Variants in SLC9A7 observed in about 807,000 individuals in gnomAD.
SLC9A7 encodes the protein sodium/hydrogen exchanger 7.
SLC9A7 carries 19 observed loss-of-function variants against 52.6 expected under a neutral mutation model. The observed-to-expected ratio is 0.36, with a 90% CI of 0.25 to 0.53. The LOEUF (loss-of-function observed/expected upper bound fraction) is 0.53. Among genes scored for constraint, SLC9A7 ranks in the 20% least tolerant of loss-of-function variants. The pLI is 0.91. For synonymous variants in SLC9A7, 226 were observed against 252.1 expected, an observed-to-expected ratio of 0.90 and a Z score of 0.98; for missense variants, 455 against 597.9, an observed-to-expected ratio of 0.76 and a Z score of 2.49.
At chrX:46,748,355 A>AG (rs1556284154) in intron 1 of SLC9A7, among the ~76,000 whole-genome samples, 1 of 59,964 alleles carries the variant, frequency 1.7e-5, no homozygotes, top group African/African-American at 6.2e-5. Flanking sequence ...AAAAAAAAAA[A>AG]AAAGAAAGAA....
chrX:46,738,045 AAGAAAGAAAGAAAGAAAG>A (rs1945153735), intron 1 of SLC9A7, among the ~76,000 whole-genome samples: 1 of 30,933 alleles, frequency 3.2e-5, no homozygotes, highest in African/African-American at 8.1e-5. Context: ...GAAAGAAAGA[AAGAAAGAAAGAAAGAAAG>A]AAAGAAAGAA....
At chrX:46,732,966 A>G (rs1445397631) in intron 1 of SLC9A7, among the ~76,000 whole-genome samples, 1 of 112,449 alleles carries the variant, frequency 8.9e-6, no homozygotes, top group African/African-American at 3.2e-5. Flanking sequence ...CACAAGGTGC[A>G]GTACAGGACA....
chrX:46,698,774 G>T (rs997480542), intron 1 of SLC9A7, among the ~76,000 whole-genome samples: 2 of 111,830 alleles, frequency 1.8e-5, no homozygotes, highest in Non-Finnish European at 3.8e-5. Context: ...TGGGGAAAGG[G>T]ATTTGCGTAC....
chrX:46,663,271 T>G (rs1269006949), intron 5 of SLC9A7, among the ~76,000 whole-genome samples: 2 of 108,392 alleles, frequency 1.8e-5, no homozygotes, highest in Admixed American at 2.0e-4. Flanking sequence ...AGGCGGAGGT[T>G]GCAGTGAGCC....
intron 15 of SLC9A7, among the ~76,000 whole-genome samples, chrX:46,614,226 A>C (rs1942906954): frequency 8.9e-6 from 1 of 111,948 alleles, no homozygotes; most frequent in Admixed American, 9.5e-5. Flanking sequence ...AAATGCATTT[A>C]ACACACCTAA....
chrX:46,640,287 C>A (rs1943386426), intron 12 of SLC9A7, among the ~76,000 whole-genome samples: 1 of 111,864 alleles, frequency 8.9e-6, no homozygotes, highest in South Asian at 3.7e-4. Flanking sequence ...GACAAAGGAG[C>A]AAAATTAATT....
intron 15 of SLC9A7, among the ~76,000 whole-genome samples, chrX:46,619,915 G>A (rs1304294174): frequency 9.0e-6 from 1 of 111,553 alleles, no homozygotes; most frequent in East Asian, 2.8e-4. Flanking sequence ...GGGACTAAAG[G>A]CATGAGCTAC....
chrX:46,758,463 T>C (rs781841166), intron 1 of SLC9A7, among the ~76,000 whole-genome samples: 1 of 111,901 alleles, frequency 8.9e-6, no homozygotes, highest in East Asian at 2.8e-4. Context: ...CCGGACCACC[T>C]CTGTCCCTTT....
chrX:46,658,863 A>G (rs1402202411), intron 7 of SLC9A7, among the ~76,000 whole-genome samples: 2 of 110,438 alleles, frequency 1.8e-5, no homozygotes, highest in Non-Finnish European at 3.8e-5. Flanking sequence ...ATCCTCCCTA[A>G]CTCATTTTAT....
At chrX:46,753,198 T>C (rs782259806) in intron 1 of SLC9A7, among the ~76,000 whole-genome samples, 3 of 112,026 alleles carry the variant, frequency 2.7e-5, no homozygotes, top group Non-Finnish European at 3.8e-5. Flanking sequence ...TTTTAAATAA[T>C]GTTTAAATTG....
At chrX:46,714,219 A>C (rs1311401427) in intron 1 of SLC9A7, among the ~76,000 whole-genome samples, 2 of 110,902 alleles carry the variant, frequency 1.8e-5, no homozygotes, top group African/African-American at 6.6e-5. Flanking sequence ...AAAAAAAAAA[A>C]CTGGATCTTC....
At chrX:46,657,326 A>G (rs1234676559) in intron 7 of SLC9A7, among the ~76,000 whole-genome samples, 1 of 109,124 alleles carries the variant, frequency 9.2e-6, no homozygotes, top group Non-Finnish European at 1.9e-5. Context: ...AATGAGCAAA[A>G]TAACCAGCTA....
chrX:46,662,265 G>T, intron 6 of SLC9A7, 108 bp from the exon 7 acceptor site: 1 of 778,565 alleles, frequency 1.3e-6, no homozygotes, highest in Non-Finnish European at 1.8e-6. Context: ...TCAAGCATTG[G>T]CCAGGGTAAA....
intron 16 of SLC9A7, among the ~76,000 whole-genome samples, chrX:46,610,893 A>G (rs185966382): frequency 3.5e-4 from 39 of 112,666 alleles, no homozygotes; most frequent in Non-Finnish European, 6.6e-4. Flanking sequence ...ATAAAGTTTT[A>G]ATAGTGGATT....
intron 12 of SLC9A7, 100 bp downstream of exon 12, chrX:46,643,136 G>T: frequency 2.5e-6 from 2 of 787,912 alleles, no homozygotes. Flanking sequence ...GACTGTAAAA[G>T]GTTTCCATGA....
At position 46,661,997 on chromosome X, in the gene SLC9A7, G is replaced by A. The variant is rs773319724; in HGVS notation, c.1041+19C>T. 5 of 1,173,948 alleles carry A rather than the reference G, an allele frequency of 4.3e-6. No homozygotes were observed. The South Asian group carries it at 7.7e-5, about 18-fold the overall frequency. On this transcript the variant is annotated intron_variant, in intron 7 of 16. Coordinates refer to ENST00000616978, the MANE Select transcript of SLC9A7 (RefSeq NM_001257291.2). Reference sequence around the variant, plus strand: ...ACACACGCATACCCAGGCCCGAGCTGAAACTACAAAAAGGATATTAGAGCA... The same window carrying A: ...ACACACGCATACCCAGGCCCGAGCTAAAACTACAAAAAGGATATTAGAGCA...
intron 1 of SLC9A7, among the ~76,000 whole-genome samples, chrX:46,750,763 T>C (rs1355560937): frequency 8.9e-6 from 1 of 112,349 alleles, no homozygotes; most frequent in African/African-American, 3.2e-5. Flanking sequence ...TTTTTTCTAC[T>C]ATTATTTTAT....
At position 46,605,065 on chromosome X, in the gene SLC9A7, C is replaced by G. The variant is rs1463907008; in HGVS notation, c.*1887G>C. ...AATTAGCCAGGCGTGGTGGCGCGTG[C>G]CTGTAATCCCAGCTACTCAGGAGGC... On this transcript the variant is annotated 3_prime_UTR_variant, in exon 17 of 17. Transcript: ENST00000616978. 1 of 109,393 alleles carries G rather than the reference C, an allele frequency of 9.1e-6. No individual in the cohort carries two copies. Among genetic ancestry groups the G allele is most frequent in the African/African-American group, 3.3e-5 (1 of 29,981 alleles). The allele number at this position is 109,393 out of a possible 1,213,427, so 9.0% of individuals were successfully genotyped here.
chrX:46,642,527 G>A (rs116632848), intron 12 of SLC9A7, among the ~76,000 whole-genome samples: 3,224 of 112,102 alleles, frequency 0.029, 98 homozygotes, highest in South Asian at 0.11. Flanking sequence ...CCAAAGACAT[G>A]AGGGGCTTGT....
Sources: gnomAD v4.1 joint callset for allele counts (sites outside exome capture counted in the v4.1 genomes callset) on GRCh38, gnomAD v4.1.1 for gene constraint, MANE v1.5 for transcripts, NCBI Gene and HGNC (gene_info 2026-07-23, HGNC 2026-07-21) for gene names.